Variants in ADAMTS9 observed in about 807,000 individuals in gnomAD.
ADAMTS9 encodes A disintegrin and metalloproteinase with thrombospondin motifs 9.
A neutral mutation model predicts 257.1 loss-of-function variants in ADAMTS9; 107 were observed. The observed-to-expected ratio is 0.42, with a 90% confidence interval of 0.36 to 0.49. The LOEUF is 0.49. ADAMTS9 is among the 20% of genes least tolerant of loss of function. The pLI, the probability that ADAMTS9 is intolerant of heterozygous loss-of-function variation, is 0.03. For synonymous variants in ADAMTS9, 982 were observed against 880.9 expected, an observed-to-expected ratio of 1.11 and a Z score of -2.03; for missense variants, 2,353 against 2,469.1, an observed-to-expected ratio of 0.95 and a Z score of 1.00.
intron 12 of ADAMTS9, among the ~76,000 whole-genome samples, chr3:64,636,951 G>C (rs1287755880): frequency 6.6e-6 from 1 of 152,126 alleles, no homozygotes; most frequent in African/African-American, 2.4e-5. Context: ...TTTGCTGAGA[G>C]GGGAGCCCAA....
chr3:64,603,889 T>C, intron 25 of ADAMTS9, 33 bp downstream of exon 25: 1 of 1,607,966 alleles, frequency 6.2e-7, no homozygotes, highest in African/African-American at 1.3e-5. Flanking sequence ...GTTTCCCCCA[T>C]TCCCCCTAAT....
chr3:64,649,529 G>C (rs1167732774), intron 10 of ADAMTS9, 108 bp downstream of exon 10: 2 of 1,316,700 alleles, frequency 1.5e-6, no homozygotes, highest in East Asian at 4.9e-5. Context: ...TTTACTCTCA[G>C]CTTTTCCTTG....
At chr3:64,538,834 T>A (rs1180662111) in intron 37 of ADAMTS9, among the ~76,000 whole-genome samples, 1 of 152,196 alleles carries the variant, frequency 6.6e-6, no homozygotes, top group Non-Finnish European at 1.5e-5. Flanking sequence ...GGACCTTTTT[T>A]TTTTAGAAGT....
intron 2 of ADAMTS9, among the ~76,000 whole-genome samples, chr3:64,682,656 C>G (rs1402926461): frequency 6.6e-6 from 1 of 152,204 alleles, no homozygotes; most frequent in African/African-American, 2.4e-5. Context: ...GAAATGACTC[C>G]CTGAACATCA....
At position 64,540,454 on chromosome 3, in the gene ADAMTS9, C is replaced by T. The variant is rs992735063; in HGVS notation, c.5521+641G>A. Among the ~76,000 whole-genome samples the T allele has an allele frequency of 2.0e-5, 3 of 152,192 alleles. No individual in the cohort carries two copies. In the East Asian group the frequency reaches 5.8e-4, roughly 29 times the overall value. ...GGCGAGAGTATGAAATCAGCCCACA[C>T]ACAGGCTAGTTTAGAAAAGGTAATT... On this transcript the variant is annotated intron_variant, in intron 36 of 39. Transcript: ENST00000498707.
chr3:64,642,316 G>A (rs1700666849), intron 11 of ADAMTS9, among the ~76,000 whole-genome samples: 1 of 152,148 alleles, frequency 6.6e-6, no homozygotes. Flanking sequence ...GGGAAGGGTG[G>A]TTATAGACAG....
chr3:64,614,726 CTTG>C (rs1378798880), intron 21 of ADAMTS9: 2 of 152,162 alleles, frequency 1.3e-5, no homozygotes, highest in Admixed American at 6.5e-5. Context: ...TCTTCTTTCT[CTTG>C]TTGTCCTGGG....
chr3:64,664,390 A>G (rs947195271), intron 3 of ADAMTS9, among the ~76,000 whole-genome samples: 1 of 152,200 alleles, frequency 6.6e-6, no homozygotes, highest in Non-Finnish European at 1.5e-5. Context: ...GAATATTTTC[A>G]TAATCCCAAG....
chr3:64,537,250 C>G (rs1239867333), intron 37 of ADAMTS9, among the ~76,000 whole-genome samples: 3 of 152,184 alleles, frequency 2.0e-5, no homozygotes, highest in African/African-American at 7.2e-5. Flanking sequence ...TCATTTGTCT[C>G]TGAATTATTA....
chr3:64,687,256 T>TC lies in ADAMTS9; in HGVS notation c.115+286dup, dbSNP rs1384218629. 6.6e-6 allele frequency among the ~76,000 whole-genome samples: 1 copy of TC among 152,152 alleles called. No individual in the cohort carries two copies. The highest frequency in any genetic ancestry group is 1.5e-5 in the Non-Finnish European group (1 of 68,028). ...CTGAATAAAATAAAACATGACGCTA[T>TC]CTGGTGCCCCCAATTACTAAGTTAC... On this transcript the variant is annotated intron_variant, in intron 1 of 39. Coordinates refer to ENST00000498707, the MANE Select transcript of ADAMTS9 (RefSeq NM_182920.2). This position sits in a 1 kb window ranked among gnomAD's most constrained non-coding sequence, Gnocchi z 4.4.
At chr3:64,527,336 T>C (rs933287517) in intron 38 of ADAMTS9, among the ~76,000 whole-genome samples, 4 of 152,212 alleles carry the variant, frequency 2.6e-5, no homozygotes, top group African/African-American at 7.2e-5. Flanking sequence ...CTAATTCTTC[T>C]ATTTTTTTCA....
At chr3:64,541,807 A>G in intron 33 of ADAMTS9, 31 bp downstream of exon 33, 1 of 1,613,072 alleles carries the variant, frequency 6.2e-7, no homozygotes, top group South Asian at 1.1e-5. Flanking sequence ...TCTTCATGCT[A>G]AAGAAAGATA....
At chr3:64,527,648 G>GC (rs2082926739) in intron 38 of ADAMTS9, among the ~76,000 whole-genome samples, 1 of 152,168 alleles carries the variant, frequency 6.6e-6, no homozygotes, top group Admixed American at 6.5e-5. Flanking sequence ...ATAAAACACA[G>GC]CATATAGGGT....
At chr3:64,616,717 A>C (rs1185584217) in intron 19 of ADAMTS9, among the ~76,000 whole-genome samples, 1 of 152,194 alleles carries the variant, frequency 6.6e-6, no homozygotes, top group Non-Finnish European at 1.5e-5. Flanking sequence ...GCAGTGCTTA[A>C]ATTTAAAAAG....
chr3:64,561,539 T>G, intron 30 of ADAMTS9, 39 bp downstream of exon 30: 2 of 1,591,400 alleles, frequency 1.3e-6, no homozygotes, highest in South Asian at 2.3e-5. Context: ...GGCGCACACG[T>G]GAAATGCCTG....
intron 37 of ADAMTS9, among the ~76,000 whole-genome samples, chr3:64,537,414 C>A (rs893918740): frequency 1.3e-5 from 2 of 152,072 alleles, no homozygotes; most frequent in South Asian, 4.1e-4. Context: ...TTTTTGAAGC[C>A]ATCAATTGCC....
At chr3:64,564,841 G>A (rs909967778) in intron 29 of ADAMTS9, among the ~76,000 whole-genome samples, 1 of 151,944 alleles carries the variant, frequency 6.6e-6, no homozygotes. Flanking sequence ...AACCTTTTAG[G>A]CAGATACTTC....
intron 3 of ADAMTS9, among the ~76,000 whole-genome samples, chr3:64,666,787 G>T (rs1337433389): frequency 6.6e-6 from 1 of 152,120 alleles, no homozygotes; most frequent in African/African-American, 2.4e-5. Flanking sequence ...TTTACTTGTA[G>T]CATGCAAAAC....
intron 19 of ADAMTS9, among the ~76,000 whole-genome samples, chr3:64,618,931 T>C (rs114495970): frequency 0.02 from 3,091 of 152,176 alleles, 106 homozygotes; most frequent in African/African-American, 0.071. Flanking sequence ...AGGAGAAACT[T>C]TGGAGAACAC....
Sources: gnomAD v4.1 joint callset for allele counts (sites outside exome capture counted in the v4.1 genomes callset) on GRCh38, gnomAD v4.1.1 for gene constraint, Gnocchi (gnomAD v3.1) non-coding constraint, MANE v1.5 for transcripts, NCBI Gene and HGNC (gene_info 2026-07-23, HGNC 2026-07-21) for gene names.